DMD: variants seen among roughly 807,000 people sequenced by gnomAD.
DMD encodes the protein dystrophin.
DMD carries 63 observed loss-of-function variants against 330.1 expected under a neutral mutation model. The observed-to-expected ratio is 0.19, with a 90% CI of 0.16 to 0.24. The LOEUF (loss-of-function observed/expected upper bound fraction) is 0.24. DMD is among the 10% of genes least tolerant of loss of function. The pLI, the probability that DMD is intolerant of heterozygous loss-of-function variation, is 1.00. For missense variants in DMD, 3,344 were observed against 2,684.1 expected (o/e 1.25, Z -5.43); for synonymous variants, 1,223 against 959.8 (o/e 1.27, Z -5.07).
At chrX:31,855,534 A>G (rs1165882201) in intron 48 of DMD, among the ~76,000 whole-genome samples, 1 of 112,106 alleles carries the variant, frequency 8.9e-6, no homozygotes, top group African/African-American at 3.2e-5. Flanking sequence ...TTTTCATTAA[A>G]AGCAAAGAAA....
intron 2 of DMD, among the ~76,000 whole-genome samples, chrX:33,017,577 T>C (rs1339438075): frequency 9.0e-6 from 1 of 111,627 alleles, no homozygotes; most frequent in East Asian, 2.8e-4. Context: ...ACAGTTAGCA[T>C]AGATTTAATG....
At chrX:32,733,775 G>T (rs1181922681) in intron 7 of DMD, among the ~76,000 whole-genome samples, 1 of 106,168 alleles carries the variant, frequency 9.4e-6, no homozygotes, top group African/African-American at 3.5e-5. Context: ...TGTGTAGAGG[G>T]AAATTTATAG....
chrX:31,465,891 C>G (rs770906361), intron 59 of DMD, among the ~76,000 whole-genome samples: 1 of 111,720 alleles, frequency 9.0e-6, no homozygotes. Flanking sequence ...TTTTAATGAT[C>G]GCCATTGTAA....
chrX:31,517,370 A>G (rs1017950801), intron 55 of DMD, among the ~76,000 whole-genome samples: 1 of 111,504 alleles, frequency 9.0e-6, no homozygotes, highest in Non-Finnish European at 1.9e-5. Context: ...GCCGTTCAAA[A>G]GAAAACGAAT....
intron 43 of DMD, among the ~76,000 whole-genome samples, chrX:32,236,595 T>C (rs2097188801): frequency 9.0e-6 from 1 of 111,422 alleles, no homozygotes; most frequent in African/African-American, 3.3e-5. Flanking sequence ...TAAATTAGTC[T>C]CATGAGATCT....
At chrX:32,605,807 T>A (rs2149312614) in intron 12 of DMD, among the ~76,000 whole-genome samples, 1 of 110,644 alleles carries the variant, frequency 9.0e-6, no homozygotes, top group East Asian at 2.9e-4. Flanking sequence ...TCAACATCAC[T>A]AATCATCAGA....
At chrX:31,603,101 G>A (rs1569554063) in intron 55 of DMD, among the ~76,000 whole-genome samples, 1 of 110,811 alleles carries the variant, frequency 9.0e-6, no homozygotes, top group Non-Finnish European at 1.9e-5. Context: ...CATACCCCGA[G>A]TAGCTGATGT....
chrX:32,189,351 C>G (rs1376040685), intron 44 of DMD, among the ~76,000 whole-genome samples: 1 of 98,930 alleles, frequency 1.0e-5, no homozygotes, highest in Admixed American at 1.1e-4. Flanking sequence ...TGCTTCTTTA[C>G]TAGGGTGTCA....
intron 60 of DMD, among the ~76,000 whole-genome samples, chrX:31,361,687 T>C (rs1003641892): frequency 9.0e-6 from 1 of 111,487 alleles, no homozygotes; most frequent in African/African-American, 3.3e-5. Flanking sequence ...GATTCAGAGA[T>C]TCCTGAGATT....
Position 32,863,338 on chromosome X carries a change from G to A in DMD, c.94-13518C>T, listed in dbSNP as rs1035914444. On this transcript the variant is annotated intron_variant, in intron 2 of 78. Coordinates refer to ENST00000357033, the MANE Select transcript of DMD (RefSeq NM_004006.3). ...TTGAGACCAGCCTGGCCAACGTGGC[G>A]AAACTCCACCTTTACTAAAAATACA... is the stretch of plus-strand genomic sequence containing the variant. Among the ~76,000 whole-genome samples the A allele has an allele frequency of 3.7e-5, 4 of 108,513 alleles. No individual in the cohort carries two copies. The South Asian group carries it at 1.7e-3, about 45-fold the overall frequency. The allele number at this position is 108,513 out of a possible 115,157, so 94.2% of individuals were successfully genotyped here. A position where few individuals can be genotyped will look rare whatever the true frequency, so the allele number is the denominator to read the frequency against.
intron 1 of DMD, among the ~76,000 whole-genome samples, chrX:33,284,349 G>C (rs572556117): frequency 2.1e-4 from 23 of 110,770 alleles, no homozygotes; most frequent in Admixed American, 8.6e-4. Context: ...TCAACAATTA[G>C]TGTTTTTTAA....
rs1027802891 is a variant in DMD at position 32,571,399 on chromosome X, T to C, written c.1812+2131A>G. Among the ~76,000 whole-genome samples the C allele has an allele frequency of 5.4e-5, 6 of 111,866 alleles. No homozygotes were observed. In the East Asian group the frequency reaches 1.7e-3, roughly 31 times the overall value. On this transcript the variant is annotated intron_variant, in intron 15 of 78. Coordinates refer to ENST00000357033, the MANE Select transcript of DMD (RefSeq NM_004006.3). ...TGACAGTGTGTACCACTTCCTACTT[T>C]TTTGAAATCTTTATTCTCCTCACTT...
At chrX:31,372,994 T>C (rs1207319297) in intron 60 of DMD, among the ~76,000 whole-genome samples, 4 of 111,332 alleles carry the variant, frequency 3.6e-5, no homozygotes, top group Non-Finnish European at 7.5e-5. Context: ...ACAAAAGCAA[T>C]GTGCAAAAAT....
intron 44 of DMD, among the ~76,000 whole-genome samples, chrX:31,987,522 G>A (rs1030743724): frequency 1.8e-5 from 2 of 111,619 alleles, no homozygotes; most frequent in Non-Finnish European, 3.8e-5. Flanking sequence ...TTTTTAGATT[G>A]TGCATATGAA....
chrX:32,131,182 C>T (rs2096691894), intron 44 of DMD, among the ~76,000 whole-genome samples: 1 of 111,438 alleles, frequency 9.0e-6, no homozygotes. Flanking sequence ...GAGACTCTGT[C>T]TCAACAAAAT....
chrX:32,308,705 G>A (rs1352671902), intron 42 of DMD, among the ~76,000 whole-genome samples: 1 of 111,105 alleles, frequency 9.0e-6, no homozygotes, highest in Non-Finnish European at 1.9e-5. Flanking sequence ...TTCACTGTGA[G>A]TGTAGCCAAG....
chrX:31,964,596 AGTGTGTGTGT>A (rs59973399), intron 45 of DMD, among the ~76,000 whole-genome samples: 1 of 99,615 alleles, frequency 1.0e-5, no homozygotes, highest in East Asian at 3.1e-4. Flanking sequence ...AATGTTAAAA[AGTGTGTGTGT>A]GTGTGTGTGT....
At chrX:32,426,130 C>G (rs1278571703) in intron 29 of DMD, among the ~76,000 whole-genome samples, 1 of 111,696 alleles carries the variant, frequency 9.0e-6, no homozygotes, top group Non-Finnish European at 1.9e-5. Flanking sequence ...ACAAATGAGA[C>G]CTAATTAAAT....
chrX:31,326,766 G>A (rs976186828), intron 61 of DMD, among the ~76,000 whole-genome samples: 6 of 111,306 alleles, frequency 5.4e-5, no homozygotes, highest in Middle Eastern at 4.2e-3. Context: ...AAGGGTTGTC[G>A]ACAATTTCAT....
Sources: allele counts gnomAD v4.1 joint callset (sites outside exome capture counted in the v4.1 genomes callset), GRCh38; gene constraint gnomAD v4.1.1; transcripts MANE v1.5; gene names NCBI Gene and HGNC (gene_info 2026-07-23, HGNC 2026-07-21).